The following L3MBTL4 variants were observed in gnomAD, a reference collection of about 807,000 sequenced individuals.
The protein encoded by L3MBTL4 is lethal(3)malignant brain tumor-like protein 4.
In L3MBTL4, 70 loss-of-function variants were observed where a neutral mutation model predicts 84.5. The ratio of observed to expected loss-of-function variants is 0.83; its 90% CI spans 0.68 to 1.01. L3MBTL4 has a LOEUF of 1.01. Among genes scored for constraint, L3MBTL4 ranks in the 50% least tolerant of loss-of-function variants. L3MBTL4 has a pLI of 0.00. For synonymous variants in L3MBTL4, 274 were observed against 259.8 expected (o/e 1.05, Z -0.52); for missense variants, 715 against 754.8 (o/e 0.95, Z 0.62).
chr18:6,016,591 A>G (rs962307097), intron 16 of L3MBTL4, among the ~76,000 whole-genome samples: 8 of 152,324 alleles, frequency 5.3e-5, no homozygotes, highest in Non-Finnish European at 1.2e-4. Flanking sequence ...AGTAGTGTAC[A>G]TTGTACCCAA....
intron 12 of L3MBTL4, among the ~76,000 whole-genome samples, chr18:6,206,012 C>A (rs1044954802): frequency 6.6e-6 from 1 of 152,184 alleles, no homozygotes; most frequent in African/African-American, 2.4e-5. Flanking sequence ...ACATATTGCA[C>A]ATTCTGACTG....
chr18:5,981,211 T>C (rs575863129), intron 16 of L3MBTL4, among the ~76,000 whole-genome samples: 114 of 152,302 alleles, frequency 7.5e-4, no homozygotes, highest in African/African-American at 2.7e-3. Context: ...TTAGAAAATA[T>C]ATGGGTCAAA....
chr18:6,238,306 G>A (rs1413220104), intron 9 of L3MBTL4, among the ~76,000 whole-genome samples: 1 of 152,228 alleles, frequency 6.6e-6, no homozygotes, highest in Non-Finnish European at 1.5e-5. Context: ...GGCCGAGACA[G>A]GCGGATCATG....
chr18:6,212,305 T>C (rs1165851880), intron 12 of L3MBTL4, among the ~76,000 whole-genome samples: 1 of 152,214 alleles, frequency 6.6e-6, no homozygotes, highest in East Asian at 1.9e-4. Flanking sequence ...GAATCAGATA[T>C]TATTTTCAAA....
chr18:6,082,663 A>G (rs910232596), intron 15 of L3MBTL4, among the ~76,000 whole-genome samples: 3 of 152,216 alleles, frequency 2.0e-5, no homozygotes, highest in Non-Finnish European at 4.4e-5. Context: ...TGTCTTACAA[A>G]GTTAAAAAAT....
At chr18:6,083,449 C>T (rs755893365) in intron 15 of L3MBTL4, among the ~76,000 whole-genome samples, 48 of 151,998 alleles carry the variant, frequency 3.2e-4, no homozygotes, top group Non-Finnish European at 6.2e-4. Context: ...CATGGGTTCT[C>T]GAGGATGTGG....
intron 4 of L3MBTL4, among the ~76,000 whole-genome samples, chr18:6,275,859 G>A (rs1393867508): frequency 6.6e-6 from 1 of 152,112 alleles, no homozygotes; most frequent in Non-Finnish European, 1.5e-5. Context: ...GAAAACTCAG[G>A]ACCCCACAAT....
chr18:6,143,256 A>T (rs996322634), intron 13 of L3MBTL4, among the ~76,000 whole-genome samples: 1 of 152,186 alleles, frequency 6.6e-6, no homozygotes, highest in African/African-American at 2.4e-5. Flanking sequence ...CATATCCCTG[A>T]TAGGTACCAT....
chr18:5,987,389 T>C (rs1397813938), intron 16 of L3MBTL4, among the ~76,000 whole-genome samples: 3 of 152,246 alleles, frequency 2.0e-5, no homozygotes, highest in Non-Finnish European at 2.9e-5. Flanking sequence ...GCCCCAACCA[T>C]GGGGCGAAGC....
rs533542790 is a variant in L3MBTL4, at chr18:6,267,140, A to G, written c.128-3102T>C. Among the ~76,000 whole-genome samples, 21 of 152,296 alleles carry G rather than the reference A, an allele frequency of 1.4e-4. No individual in the cohort carries two copies. The South Asian group carries it at 4.1e-3, about 30-fold the overall frequency. ...TTGACAACAAAGGGAAGTAATTTAA[A>G]CATAGCTAATAAAGAAAAACATCAT... On this transcript the variant is annotated intron_variant, in intron 4 of 18. Coordinates refer to ENST00000317931, the MANE Select transcript of L3MBTL4 (RefSeq NM_001330559.2).
intron 14 of L3MBTL4, among the ~76,000 whole-genome samples, chr18:6,111,738 T>C (rs929012094): frequency 6.6e-6 from 1 of 152,212 alleles, no homozygotes; most frequent in East Asian, 1.9e-4. Flanking sequence ...TACATATATA[T>C]ATATTTACTG....
intron 1 of L3MBTL4, among the ~76,000 whole-genome samples, chr18:6,384,474 T>G (rs1301214117): frequency 6.6e-6 from 1 of 152,190 alleles, no homozygotes; most frequent in Non-Finnish European, 1.5e-5. Context: ...CACTTTTCTC[T>G]GTTGAATTGT....
At chr18:6,082,794 G>T (rs1251106425) in intron 15 of L3MBTL4, among the ~76,000 whole-genome samples, 3 of 152,098 alleles carry the variant, frequency 2.0e-5, no homozygotes, top group Admixed American at 2.0e-4. Flanking sequence ...TTGATCATGG[G>T]TATATTTCAG....
intron 5 of L3MBTL4, among the ~76,000 whole-genome samples, chr18:6,247,090 G>A (rs76342236): frequency 0.072 from 10,902 of 152,090 alleles, 1,300 homozygotes; most frequent in African/African-American, 0.25. Flanking sequence ...AGAGAAACAT[G>A]TGGATATAAA....
intron 5 of L3MBTL4, among the ~76,000 whole-genome samples, chr18:6,257,391 G>T (rs1381954942): frequency 6.6e-6 from 1 of 151,852 alleles, no homozygotes; most frequent in African/African-American, 2.4e-5. Context: ...ACAGGTTAAG[G>T]CAGTTAAGGA....
intron 1 of L3MBTL4, among the ~76,000 whole-genome samples, chr18:6,368,668 C>T (rs1411848578): frequency 1.3e-5 from 2 of 152,138 alleles, no homozygotes; most frequent in Admixed American, 6.5e-5. Context: ...TAGGAGCCTA[C>T]GACACAATTA....
At chr18:6,099,608 GGA>G (rs1296734682) in intron 14 of L3MBTL4, among the ~76,000 whole-genome samples, 2 of 34,506 alleles carry the variant, frequency 5.8e-5, no homozygotes, top group Non-Finnish European at 9.6e-5. Flanking sequence ...ATATATATAT[GGA>G]GAGAGAGAGA....
At chr18:6,295,633 T>A (rs2050077502) in intron 4 of L3MBTL4, among the ~76,000 whole-genome samples, 1 of 152,132 alleles carries the variant, frequency 6.6e-6, no homozygotes, top group African/African-American at 2.4e-5. Context: ...AACTACTTGT[T>A]AGAAAGTAGT....
intron 1 of L3MBTL4, among the ~76,000 whole-genome samples, chr18:6,391,628 GT>G (rs2055053658): frequency 6.6e-6 from 1 of 151,994 alleles, no homozygotes; most frequent in South Asian, 2.1e-4. Flanking sequence ...AGCAAATTTG[GT>G]AAAGTCTCAG....
Sources: allele counts gnomAD v4.1 joint callset (sites outside exome capture counted in the v4.1 genomes callset), GRCh38; gene constraint gnomAD v4.1.1; transcripts MANE v1.5; gene names NCBI Gene and HGNC (gene_info 2026-07-23, HGNC 2026-07-21).